LEPR: variants seen among roughly 807,000 people sequenced by gnomAD.
LEPR encodes the protein OB receptor.
In LEPR, 56 loss-of-function variants were observed where a neutral mutation model predicts 114.7. That is an observed-to-expected ratio of 0.49 (90% confidence interval 0.39 to 0.61). The LOEUF is 0.61. Ranked by LOEUF, LEPR falls within the 20% of genes least tolerant of loss-of-function variation. The probability of loss-of-function intolerance (pLI) is 0.00; values close to 1 mark genes in which losing one functional copy is unlikely to be tolerated. For missense variants in LEPR, 1,202 were observed against 1,352.9 expected (o/e 0.89, Z 1.75); for synonymous variants, 443 against 461.4 (o/e 0.96, Z 0.51).
intron 2 of LEPR, among the ~76,000 whole-genome samples, chr1:65,507,438 T>TGTGC (rs1491522541): frequency 2.4e-5 from 1 of 42,418 alleles, no homozygotes; most frequent in East Asian, 2.6e-4. Context: ...AGTATTCCAT[T>TGTGC]GTGTGTGTGT....
intron 2 of LEPR, among the ~76,000 whole-genome samples, chr1:65,501,886 A>T (rs948056125): frequency 1.3e-5 from 2 of 152,102 alleles, no homozygotes; most frequent in Non-Finnish European, 2.9e-5. Flanking sequence ...TTAGAACCAC[A>T]CTTGAGGTGG....
chr1:65,452,193 T>A (rs1646795558), intron 2 of LEPR, among the ~76,000 whole-genome samples: 1 of 152,134 alleles, frequency 6.6e-6, no homozygotes, highest in African/African-American at 2.4e-5. Flanking sequence ...GACAATGGGG[T>A]TTTCTAGATA....
At chr1:65,597,510 G>A (rs1254186968) in intron 7 of LEPR, among the ~76,000 whole-genome samples, 1 of 151,974 alleles carries the variant, frequency 6.6e-6, no homozygotes, top group Non-Finnish European at 1.5e-5. Context: ...GGTGACATTT[G>A]AGCAAGGATG....
chr1:65,511,409 A>G (rs1367441475), intron 2 of LEPR, among the ~76,000 whole-genome samples: 1 of 148,396 alleles, frequency 6.7e-6, no homozygotes, highest in East Asian at 2.1e-4. Flanking sequence ...GTATTGCTCT[A>G]GTGTTCATAT....
Position 65,633,362 on chromosome 1 carries a change from T to G in LEPR, c.2674-2829T>G. 7.5e-7 allele frequency: 1 copy of G among 1,338,972 alleles called. No homozygotes were observed. The highest frequency in any genetic ancestry group is 9.6e-7 in the Non-Finnish European group (1 of 1,046,512). 82.9% of individuals were successfully genotyped at this position (1,338,972 alleles called of 1,614,324 possible). On this transcript the variant is annotated intron_variant, in intron 19 of 19. Coordinates refer to ENST00000349533, the MANE Select transcript of LEPR (RefSeq NM_002303.6). This position sits in a 1 kb window ranked among gnomAD's most constrained non-coding sequence, Gnocchi z 4.1. Reference sequence around the variant, plus strand: ...TAGATGTGTAAATTTGGGTTCAAAATGTAGATTTGAGTCCAGTTTGGATGT... The same window carrying G: ...TAGATGTGTAAATTTGGGTTCAAAAGGTAGATTTGAGTCCAGTTTGGATGT...
intron 19 of LEPR, chr1:65,635,095 G>T: frequency 2.2e-6 from 2 of 903,624 alleles, no homozygotes; most frequent in South Asian, 1.0e-4. Flanking sequence ...TAAATAAATT[G>T]TATTGTATAT....
intron 2 of LEPR, among the ~76,000 whole-genome samples, chr1:65,497,873 A>AG (rs1262877429): frequency 2.6e-5 from 4 of 152,182 alleles, no homozygotes; most frequent in African/African-American, 9.7e-5. Flanking sequence ...TTTAAAAAAA[A>AG]TTCAAGTTAA....
intron 2 of LEPR, among the ~76,000 whole-genome samples, chr1:65,515,740 T>C (rs1322113576): frequency 3.9e-5 from 6 of 152,222 alleles, no homozygotes; most frequent in Non-Finnish European, 7.3e-5. Flanking sequence ...ACTATATGAG[T>C]AGACTATCGT....
At chr1:65,530,405 T>C (rs1424766499) in intron 2 of LEPR, among the ~76,000 whole-genome samples, 1 of 152,086 alleles carries the variant, frequency 6.6e-6, no homozygotes, top group African/African-American at 2.4e-5. Flanking sequence ...TTAGGTAGAG[T>C]AAAGTGAAAA....
intron 2 of LEPR, among the ~76,000 whole-genome samples, chr1:65,527,501 C>T (rs1426628996): frequency 1.3e-5 from 2 of 152,146 alleles, no homozygotes; most frequent in African/African-American, 4.8e-5. Context: ...GTTACAGTAG[C>T]TTTTGTTGCT....
chr1:65,529,962 A>C (rs1650269642), intron 2 of LEPR, among the ~76,000 whole-genome samples: 1 of 152,128 alleles, frequency 6.6e-6, no homozygotes, highest in Admixed American at 6.5e-5. Context: ...TGATGATTTC[A>C]TGCAATCTCT....
intron 2 of LEPR, 145 bp from the exon 3 acceptor site, chr1:65,565,401 T>C (rs1196278853): frequency 2.7e-6 from 2 of 747,272 alleles, no homozygotes; most frequent in Admixed American, 2.7e-5. Flanking sequence ...TTACGTGAGA[T>C]ATTTCTCAGA....
rs550044022 is a variant in LEPR, at chr1:65,617,106, C to A, written c.2213-858C>A. On this transcript the variant is annotated intron_variant, in intron 15 of 19. Coordinates refer to ENST00000349533, the MANE Select transcript of LEPR (RefSeq NM_002303.6). ...TTCTAGAAATATCTGTAGAATGCGT[C>A]AGTGGGGTAGGTAGTGGGAATTGTA... 2.6e-5 allele frequency among the ~76,000 whole-genome samples: 4 copies of A among 152,172 alleles called. No individual in the cohort carries two copies. The South Asian group carries it at 8.3e-4, about 32-fold the overall frequency.
intron 2 of LEPR, among the ~76,000 whole-genome samples, chr1:65,507,877 G>T (rs10082057): frequency 0.042 from 6,382 of 152,142 alleles, 429 homozygotes; most frequent in African/African-American, 0.14. Flanking sequence ...CGAAATAGCT[G>T]ATCTAACAGG....
At chr1:65,607,290 C>T (rs1656877019) in intron 11 of LEPR, among the ~76,000 whole-genome samples, 2 of 152,142 alleles carry the variant, frequency 1.3e-5, no homozygotes, top group African/African-American at 2.4e-5. Flanking sequence ...CTGCATATTC[C>T]AGCCAAGGGC....
At chr1:65,488,210 T>TTCTTTCTCTCTC (rs1557620199) in intron 2 of LEPR, among the ~76,000 whole-genome samples, 2 of 25,874 alleles carry the variant, frequency 7.7e-5, no homozygotes, top group African/African-American at 1.8e-4. Flanking sequence ...CTTTCTTTCT[T>TTCTTTCTCTCTC]TCTCTCTCTC....
At position 65,641,065 on chromosome 1, in the gene LEPR, G is replaced by GC. The variant is rs375468347; in HGVS notation, c.*4052dup. 4 of 152,210 alleles carry GC rather than the reference G, an allele frequency of 2.6e-5. No homozygotes were observed. Among genetic ancestry groups the GC allele is most frequent in the African/African-American group, 9.6e-5 (4 of 41,524 alleles). The allele number at this position is 152,210 out of a possible 1,614,324, so 9.4% of individuals were successfully genotyped here. A position where few individuals can be genotyped will look rare whatever the true frequency, so the allele number is the denominator to read the frequency against. On this transcript the variant is annotated 3_prime_UTR_variant, in exon 20 of 20. Transcript: ENST00000349533. ...TTCTGGGATTACAGGTGTGAGAGCT[G>GC]CCGCGCCTAGCCCTTCATGAGGTTT...
rs138906184 is a variant in LEPR, at chr1:65,469,294, T to C, written c.-21+43916T>C. Among the ~76,000 whole-genome samples the C allele has an allele frequency of 2.2e-4, 34 of 152,308 alleles. 1 individual carries two copies. Among genetic ancestry groups the C allele is most frequent in the African/African-American group, 8.2e-4 (34 of 41,568 alleles). ...TTCTGTGAGAGTAAATAACTGAGCTTGTACTTGAAAGTTGAGGACAATGTG... is the reference window on the plus strand; with the variant it reads ...TTCTGTGAGAGTAAATAACTGAGCTCGTACTTGAAAGTTGAGGACAATGTG... On this transcript the variant is annotated intron_variant, in intron 2 of 19. Coordinates refer to ENST00000349533, the MANE Select transcript of LEPR (RefSeq NM_002303.6).
intron 7 of LEPR, among the ~76,000 whole-genome samples, chr1:65,597,945 T>G (rs1019290073): frequency 6.6e-6 from 1 of 151,774 alleles, no homozygotes; most frequent in African/African-American, 2.4e-5. Context: ...TGTTGTTTTA[T>G]GCATTCCTGA....
Sources: allele counts gnomAD v4.1 joint callset (sites outside exome capture counted in the v4.1 genomes callset), GRCh38; gene constraint gnomAD v4.1.1; non-coding constraint Gnocchi (gnomAD v3.1); transcripts MANE v1.5; gene names NCBI Gene and HGNC (gene_info 2026-07-23, HGNC 2026-07-21).